TASL: variants seen among roughly 807,000 people sequenced by gnomAD.
TASL encodes TLR adaptor interacting with endolysosomal SLC15A4, also known as TLR adapter interacting with SLC15A4 on the lysosome.
In TASL, 6 loss-of-function variants were observed where a neutral mutation model predicts 12.9. The observed-to-expected ratio is 0.46, with a 90% CI of 0.25 to 0.92. The LOEUF is 0.92. TASL is among the 40% of genes least tolerant of loss of function. The pLI, the probability that TASL is intolerant of heterozygous loss-of-function variation, is 0.17. For synonymous variants in TASL, 85 were observed against 79.3 expected (o/e 1.07, Z -0.38); for missense variants, 165 against 212.8 (o/e 0.78, Z 1.40).
Position 30,560,384 on chromosome X carries a change from G to C in TASL, c.-1-28C>G, listed in dbSNP as rs749718791. ...GGAAAGAGAATTGATGAGTAAGAATGGGGAAAAAGAATACTGAAATTTTAG... is the reference window on the plus strand; with the variant it reads ...GGAAAGAGAATTGATGAGTAAGAATCGGGAAAAAGAATACTGAAATTTTAG... On this transcript the variant is annotated intron_variant, in intron 2 of 2. Coordinates refer to ENST00000378962, the MANE Select transcript of TASL (RefSeq NM_025159.3). The C allele has an allele frequency of 2.8e-6, 3 of 1,056,059 alleles. No individual in the cohort carries two copies. The African/African-American group carries it at 5.7e-5, about 20-fold the overall frequency. 87.0% of individuals were successfully genotyped at this position (1,056,059 alleles called of 1,213,427 possible).
Position 30,577,068 on chromosome X carries a change from C to T in TASL, c.-116-202G>A, listed in dbSNP as rs140455580. ...AATCACCCAGATGAAAGTCGAAAAG[C>T]ATCCTCACTATAGATCGCATTCATT... On this transcript the variant is annotated intron_variant, in intron 1 of 2. Coordinates refer to ENST00000378962, the MANE Select transcript of TASL (RefSeq NM_025159.3). 3.7e-4 allele frequency among the ~76,000 whole-genome samples: 41 copies of T among 112,174 alleles called. No homozygotes were observed. The East Asian group carries it at 0.01, about 28-fold the overall frequency.
intron 1 of TASL, 75 bp from the exon 2 acceptor site, chrX:30,576,941 T>C (rs1930714700): frequency 8.9e-6 from 1 of 112,333 alleles, no homozygotes; most frequent in Admixed American, 9.5e-5. Flanking sequence ...CACAGATTCA[T>C]ATGCGCAAGA....
intron 2 of TASL, among the ~76,000 whole-genome samples, chrX:30,572,456 A>G (rs1475615034): frequency 1.8e-5 from 2 of 112,224 alleles, no homozygotes; most frequent in Admixed American, 1.9e-4. Flanking sequence ...ATATTAGCTC[A>G]CAGTTATTAT....
At chrX:30,563,976 G>A (rs958433785) in intron 2 of TASL, among the ~76,000 whole-genome samples, 1 of 111,507 alleles carries the variant, frequency 9.0e-6, no homozygotes, top group Admixed American at 9.6e-5. Flanking sequence ...TTAAGTATGA[G>A]TAGAATTCTG....
chrX:30,559,885 C>G lies in TASL; in HGVS notation c.471G>C (p.Lys157Asn), dbSNP rs746308301. 8.3e-7 allele frequency: 1 copy of G among 1,210,100 alleles called. No homozygotes were observed. Among genetic ancestry groups the G allele is most frequent in the East Asian group, 3.0e-5 (1 of 33,786 alleles). ...ESSFEYGPLL[K>N]SSEIPLPMED... ...CCATGGGTAAAGGAATCTCAGATGA[C>G]TTCAGCAAAGGGCCATATTCAAAAC... The change falls in exon 3 of 3, where the codon AAG becomes AAC. Residue 157 changes from lysine (K) to asparagine (N), a missense_variant. By Grantham distance (94) the Lys-to-Asn change is moderately conservative (BLOSUM62 0). Transcript: ENST00000378962.
At position 30,565,964 on chromosome X, in the gene TASL, T is replaced by C. The variant is rs752704348; in HGVS notation, c.-1-5608A>G. Among the ~76,000 whole-genome samples, 18 of 108,567 alleles carry C rather than the reference T, an allele frequency of 1.7e-4. No individual in the cohort carries two copies. In the South Asian group the frequency reaches 6.2e-3, roughly 38 times the overall value. The allele number at this position is 108,567 out of a possible 115,157, so 94.3% of individuals were successfully genotyped here. On this transcript the variant is annotated intron_variant, in intron 2 of 2. Coordinates refer to ENST00000378962, the MANE Select transcript of TASL (RefSeq NM_025159.3). ...TTTTGTATTCTTAGTAGAGATGAGG[T>C]TTCACCATGTTGGCCAGGCTGGTCT... is the stretch of plus-strand genomic sequence containing the variant.
chrX:30,569,904 G>C (rs1025663837), intron 2 of TASL, among the ~76,000 whole-genome samples: 4 of 109,507 alleles, frequency 3.7e-5, no homozygotes, highest in African/African-American at 6.7e-5. Flanking sequence ...CCAGCTGCTC[G>C]GGAGGCTGAG....
chrX:30,577,369 G>A (rs1328111400), intron 1 of TASL, among the ~76,000 whole-genome samples: 1 of 112,210 alleles, frequency 8.9e-6, no homozygotes, highest in African/African-American at 3.2e-5. Context: ...AAAATTGTAG[G>A]TAAAAATATA....
chrX:30,574,503 C>T (rs751676127), intron 2 of TASL, among the ~76,000 whole-genome samples: 6 of 111,403 alleles, frequency 5.4e-5, no homozygotes, highest in Non-Finnish European at 1.1e-4. Flanking sequence ...CCTTGAAGAA[C>T]ATTTTGGAGG....
chrX:30,569,195 T>G (rs993448765), intron 2 of TASL, among the ~76,000 whole-genome samples: 1 of 110,684 alleles, frequency 9.0e-6, no homozygotes, highest in Non-Finnish European at 1.9e-5. Flanking sequence ...GGACCCAAGT[T>G]AGGAGGCTGT....
Position 30,576,320 on chromosome X carries a change from A to G in TASL, c.-2+432T>C, listed in dbSNP as rs185075521. Among the ~76,000 whole-genome samples the G allele has an allele frequency of 2.7e-5, 3 of 111,566 alleles. No individual in the cohort carries two copies. In the East Asian group the frequency reaches 8.4e-4, roughly 31 times the overall value. On this transcript the variant is annotated intron_variant, in intron 2 of 2. Coordinates refer to ENST00000378962, the MANE Select transcript of TASL (RefSeq NM_025159.3). The stretch of plus-strand genomic sequence containing the variant: ...GGGTGACATGTGTCCTAAAGTCAGC[A>G]ACATACTTTCAAACCATTCAGGGAA...
chrX:30,571,239 G>GA (rs1569306000), intron 2 of TASL, among the ~76,000 whole-genome samples: 3 of 34,299 alleles, frequency 8.7e-5, no homozygotes, highest in East Asian at 2.8e-3. Flanking sequence ...AAGGAAGGAA[G>GA]GAAAAAGAGA....
Position 30,560,334 on chromosome X carries a change from T to C in TASL, c.22A>G (p.Ser8Gly), listed in dbSNP as rs1426847998. 8.5e-7 allele frequency: 1 copy of C among 1,180,620 alleles called. No individual in the cohort carries two copies. The highest frequency in any genetic ancestry group is 1.8e-5 in the African/African-American group (1 of 56,635). ...ATGTCATTCCAGTACTCAAGTCCAC[T>C]GAGATACCCTTCTGACAGCATTCTG... MLSEGYL[S>G]GLEYWNDIHW... The change falls in exon 3 of 3, where the codon AGT becomes GGT. Residue 8 changes from serine (S) to glycine (G), a missense_variant. Transcript: ENST00000378962.
At chrX:30,565,366 T>G (rs1331420483) in intron 2 of TASL, among the ~76,000 whole-genome samples, 2 of 112,303 alleles carry the variant, frequency 1.8e-5, no homozygotes, top group African/African-American at 6.5e-5. Context: ...CCAGGCTGAT[T>G]AGAACAGATC....
chrX:30,568,980 A>AG (rs1930546583), intron 2 of TASL, among the ~76,000 whole-genome samples: 1 of 109,387 alleles, frequency 9.1e-6, no homozygotes, highest in Non-Finnish European at 1.9e-5. Flanking sequence ...CAAAAAAAAA[A>AG]AAAAAAGGAA....
At chrX:30,567,667 G>A (rs1930519692) in intron 2 of TASL, among the ~76,000 whole-genome samples, 1 of 111,290 alleles carries the variant, frequency 9.0e-6, no homozygotes, top group Non-Finnish European at 1.9e-5. Flanking sequence ...AGCCAGGGGA[G>A]GAAGGAGAAA....
Position 30,559,654 on chromosome X carries a change from A to C in TASL, c.702T>G (p.Ser234Arg). 8.3e-7 allele frequency: 1 copy of C among 1,208,856 alleles called. No homozygotes were observed. ...QYIMDTVFHDSSPTQILASEL... is the reference protein window; with the variant it reads ...QYIMDTVFHDRSPTQILASEL... ...CAGACGCCAGAATCTGGGTAGGAGA[A>C]CTGTCATGAAACACGGTGTCCATAA... Residue 234 changes from serine (S) to arginine (R), a missense_variant, in exon 3 of 3, where the codon AGT becomes AGG. Physicochemically the swap from Ser to Arg is moderately radical, Grantham distance 110. Transcript: ENST00000378962.
intron 2 of TASL, among the ~76,000 whole-genome samples, chrX:30,561,553 T>C (rs1930424345): frequency 8.9e-6 from 1 of 112,010 alleles, no homozygotes; most frequent in Non-Finnish European, 1.9e-5. Context: ...TAATGTCAAA[T>C]AAGAAAAGAA....
chrX:30,561,065 G>A (rs1601836564), intron 2 of TASL, among the ~76,000 whole-genome samples: 1 of 111,691 alleles, frequency 9.0e-6, no homozygotes, highest in East Asian at 2.8e-4. Flanking sequence ...GGATCCCTAG[G>A]AGCTAGCACA....
Sources: gnomAD v4.1 joint callset for allele counts (sites outside exome capture counted in the v4.1 genomes callset) on GRCh38, gnomAD v4.1.1 for gene constraint, MANE v1.5 for transcripts, NCBI Gene and HGNC (gene_info 2026-07-23, HGNC 2026-07-21) for gene names.